The following KCNIP4 variants were observed in gnomAD, a reference collection of about 807,000 sequenced individuals.
KCNIP4 encodes the protein Kv channel-interacting protein 4.
In KCNIP4, 12 loss-of-function variants were observed where a neutral mutation model predicts 34.0. The observed-to-expected ratio is 0.35, with a 90% CI of 0.23 to 0.57. The LOEUF is 0.57. Among genes scored for constraint, KCNIP4 ranks in the 20% least tolerant of loss-of-function variants. The pLI, the probability that KCNIP4 is intolerant of heterozygous loss-of-function variation, is 0.83. For synonymous variants in KCNIP4, 124 were observed against 102.2 expected, an observed-to-expected ratio of 1.21 and a Z score of -1.29; for missense variants, 238 against 311.7, an observed-to-expected ratio of 0.76 and a Z score of 1.78.
chr4:21,841,709 G>T (rs1229267900), intron 1 of KCNIP4, among the ~76,000 whole-genome samples: 1 of 151,988 alleles, frequency 6.6e-6, no homozygotes, highest in Admixed American at 6.6e-5. Flanking sequence ...TTTTCTGAAG[G>T]ATTCTTAAAG....
chr4:21,457,229 T>G (rs1055077377), intron 1 of KCNIP4, among the ~76,000 whole-genome samples: 11 of 152,198 alleles, frequency 7.2e-5, no homozygotes, highest in Admixed American at 4.6e-4. Flanking sequence ...ATCTGCTGCT[T>G]CTTCTCCGGG....
At position 21,052,689 on chromosome 4, in the gene KCNIP4, G is replaced by T. The variant is rs1029967432; in HGVS notation, c.62-169980C>A. On this transcript the variant is annotated intron_variant, in intron 1 of 8. Coordinates refer to ENST00000382152, the MANE Select transcript of KCNIP4 (RefSeq NM_025221.6). ...GTATAATTTTGGCATGGAGTGAAAG[G>T]TCTAACCTCTCAATGCTGTTTCCCC... Among the ~76,000 whole-genome samples the T allele has an allele frequency of 2.6e-5, 4 of 152,120 alleles. No individual in the cohort carries two copies. In the East Asian group the frequency reaches 7.7e-4, roughly 29 times the overall value.
chr4:21,418,063 T>C (rs1725126273), intron 1 of KCNIP4, among the ~76,000 whole-genome samples: 1 of 152,150 alleles, frequency 6.6e-6, no homozygotes, highest in South Asian at 2.1e-4. Context: ...AAGCAGAATG[T>C]GTGTGTCCAG....
chr4:21,434,771 GAAAA>G (rs59106181), intron 1 of KCNIP4, among the ~76,000 whole-genome samples: 6 of 128,744 alleles, frequency 4.7e-5, no homozygotes, highest in African/African-American at 5.8e-5. Context: ...TCTGTGGGGG[GAAAA>G]AAAAAAAAAA....
chr4:21,011,786 G>T (rs1739085088), intron 1 of KCNIP4, among the ~76,000 whole-genome samples: 1 of 152,138 alleles, frequency 6.6e-6, no homozygotes, highest in Non-Finnish European at 1.5e-5. Flanking sequence ...TTCCAAAGTG[G>T]CTTTCAGAAA....
At chr4:21,334,917 G>A (rs1329085814) in intron 1 of KCNIP4, among the ~76,000 whole-genome samples, 1 of 152,006 alleles carries the variant, frequency 6.6e-6, no homozygotes, top group Non-Finnish European at 1.5e-5. Context: ...GACAGACTCT[G>A]GAGTTGTTTC....
intron 1 of KCNIP4, among the ~76,000 whole-genome samples, chr4:21,253,459 G>A (rs1760857976): frequency 6.6e-6 from 1 of 152,120 alleles, no homozygotes; most frequent in African/African-American, 2.4e-5. Flanking sequence ...CAAACTCCTT[G>A]TTAGCACCAA....
intron 4 of KCNIP4, among the ~76,000 whole-genome samples, chr4:20,750,018 C>G (rs189781101): frequency 6.6e-6 from 1 of 152,050 alleles, no homozygotes; most frequent in Non-Finnish European, 1.5e-5. Flanking sequence ...AAGAAATGGT[C>G]CCATAGGTGG....
intron 1 of KCNIP4, among the ~76,000 whole-genome samples, chr4:20,941,283 G>A (rs768003100): frequency 6.6e-6 from 1 of 152,136 alleles, no homozygotes; most frequent in Non-Finnish European, 1.5e-5. Flanking sequence ...TTTTTCCAAC[G>A]TTAGTAGTGA....
intron 1 of KCNIP4, among the ~76,000 whole-genome samples, chr4:21,103,145 G>T (rs886202723): frequency 2.6e-5 from 4 of 151,574 alleles, no homozygotes; most frequent in Admixed American, 6.6e-5. Flanking sequence ...GGAGTTAAAA[G>T]AACTTTTATT....
At chr4:21,859,017 C>A (rs1300374443) in intron 1 of KCNIP4, among the ~76,000 whole-genome samples, 1 of 152,166 alleles carries the variant, frequency 6.6e-6, no homozygotes, top group Admixed American at 6.5e-5. Context: ...GATTATCCAA[C>A]CCTCAAAGCA....
intron 1 of KCNIP4, among the ~76,000 whole-genome samples, chr4:21,831,144 G>T (rs988923237): frequency 3.3e-5 from 5 of 152,082 alleles, no homozygotes; most frequent in South Asian, 2.1e-4. Flanking sequence ...AAACTTCTGG[G>T]ATGCTGCAAT....
intron 1 of KCNIP4, among the ~76,000 whole-genome samples, chr4:21,786,147 C>T (rs564212214): frequency 6.6e-6 from 1 of 152,268 alleles, no homozygotes; most frequent in South Asian, 2.1e-4. Flanking sequence ...TGGGGTTTCA[C>T]CATATTGGCC....
At chr4:20,754,508 C>T (rs1418643135) in intron 4 of KCNIP4, among the ~76,000 whole-genome samples, 1 of 152,168 alleles carries the variant, frequency 6.6e-6, no homozygotes, top group Non-Finnish European at 1.5e-5. Flanking sequence ...TTCCTTAGGA[C>T]ATTTTTCCTT....
intron 1 of KCNIP4, among the ~76,000 whole-genome samples, chr4:21,825,530 C>A (rs999730811): frequency 2.0e-5 from 3 of 152,056 alleles, no homozygotes; most frequent in African/African-American, 7.2e-5. Flanking sequence ...GATTTTATTA[C>A]ACTCAAAGGA....
chr4:21,237,991 G>A (rs1176569160), intron 1 of KCNIP4, among the ~76,000 whole-genome samples: 1 of 152,058 alleles, frequency 6.6e-6, no homozygotes, highest in East Asian at 1.9e-4. Context: ...TAAAATACTG[G>A]CAAACCGAAT....
At chr4:21,633,243 G>A (rs1300942932) in intron 1 of KCNIP4, among the ~76,000 whole-genome samples, 1 of 152,078 alleles carries the variant, frequency 6.6e-6, no homozygotes, top group Non-Finnish European at 1.5e-5. Flanking sequence ...TAAAAGTGAG[G>A]TATAGTGGAG....
At chr4:20,971,253 T>G (rs546255048) in intron 1 of KCNIP4, among the ~76,000 whole-genome samples, 1 of 152,304 alleles carries the variant, frequency 6.6e-6, no homozygotes, top group East Asian at 1.9e-4. Flanking sequence ...TTTTTCTGCC[T>G]GAGAAAGTCA....
chr4:21,750,994 G>T (rs1218889059), intron 1 of KCNIP4, among the ~76,000 whole-genome samples: 1 of 152,110 alleles, frequency 6.6e-6, no homozygotes, highest in East Asian at 1.9e-4. Flanking sequence ...GAAGTAGGGG[G>T]TCCTACTGTA....
Sources: gnomAD v4.1 joint callset for allele counts (sites outside exome capture counted in the v4.1 genomes callset) on GRCh38, gnomAD v4.1.1 for gene constraint, MANE v1.5 for transcripts, NCBI Gene and HGNC (gene_info 2026-07-23, HGNC 2026-07-21) for gene names.